The following CLSTN2 variants were observed in gnomAD, a reference collection of about 807,000 sequenced individuals.
CLSTN2 encodes calsyntenin 2, also known as calsyntenin-2.
CLSTN2 carries 48 observed loss-of-function variants against 101.2 expected under a neutral mutation model. The observed-to-expected ratio is 0.47, with a 90% confidence interval of 0.38 to 0.60. The LOEUF (loss-of-function observed/expected upper bound fraction) is 0.60. Among genes scored for constraint, CLSTN2 ranks in the 20% least tolerant of loss-of-function variants. The probability of loss-of-function intolerance (pLI) is 0.00; values close to 1 mark genes in which losing one functional copy is unlikely to be tolerated. For missense variants in CLSTN2, 1,160 were observed against 1,238.2 expected, an observed-to-expected ratio of 0.94 and a Z score of 0.95; for synonymous variants, 481 against 463.6, an observed-to-expected ratio of 1.04 and a Z score of -0.48.
At chr3:140,167,660 G>T (rs1161995692) in intron 1 of CLSTN2, among the ~76,000 whole-genome samples, 1 of 152,182 alleles carries the variant, frequency 6.6e-6, no homozygotes, top group Non-Finnish European at 1.5e-5. Context: ...GATACAGAAT[G>T]GTTTCATCGT....
At chr3:140,268,477 T>A (rs2086714653) in intron 2 of CLSTN2, among the ~76,000 whole-genome samples, 1 of 152,178 alleles carries the variant, frequency 6.6e-6, no homozygotes. Context: ...CTATAATAGA[T>A]CTGATGTGCA....
intron 2 of CLSTN2, among the ~76,000 whole-genome samples, chr3:140,316,160 G>A (rs1046448871): frequency 1.3e-5 from 2 of 152,136 alleles, no homozygotes; most frequent in African/African-American, 4.8e-5. Context: ...CAGCCCAGCT[G>A]GGGATAGATA....
intron 8 of CLSTN2, among the ~76,000 whole-genome samples, chr3:140,520,492 GACTC>G (rs757730388): frequency 1.3e-5 from 2 of 152,142 alleles, no homozygotes; most frequent in Non-Finnish European, 2.9e-5. Flanking sequence ...GATCTCATGA[GACTC>G]ACTCACTATC....
intron 1 of CLSTN2, among the ~76,000 whole-genome samples, chr3:140,152,942 T>C (rs1158519348): frequency 6.6e-6 from 1 of 152,242 alleles, no homozygotes; most frequent in African/African-American, 2.4e-5. Context: ...TTTTCTTACA[T>C]GCACTAAATT....
At position 140,466,641 on chromosome 3, in the gene CLSTN2, G is replaced by A. The variant is rs910954017; in HGVS notation, c.1254G>A (p.Val418=). 32 of 1,614,038 alleles carry A rather than the reference G, an allele frequency of 2.0e-5. No individual in the cohort carries two copies. The highest frequency in any genetic ancestry group is 2.7e-5 in the African/African-American group (2 of 74,930). The change falls in exon 8 of 17, where the codon GTG becomes GTA. Residue 418 remains valine, a synonymous_variant. Coordinates refer to ENST00000458420, the MANE Select transcript of CLSTN2 (RefSeq NM_022131.3). ...ACCGGCATCACTATGCCCTGTATGT[G>A]CACAACTGCCGCCTCGTCTTTCTCT... ...EMNRHHYALY[V]HNCRLVFLLR...
intron 2 of CLSTN2, among the ~76,000 whole-genome samples, chr3:140,219,414 G>A (rs572236292): frequency 1.4e-4 from 21 of 152,214 alleles, no homozygotes; most frequent in African/African-American, 4.8e-4. Flanking sequence ...CAGATTTCCC[G>A]CAGGTAACCT....
chr3:140,289,737 T>C (rs904500705), intron 2 of CLSTN2, among the ~76,000 whole-genome samples: 1 of 152,120 alleles, frequency 6.6e-6, no homozygotes, highest in African/African-American at 2.4e-5. Flanking sequence ...CAGAGTTCAG[T>C]AATTGCTGCC....
chr3:140,436,168 T>G (rs2088685660), intron 5 of CLSTN2, among the ~76,000 whole-genome samples: 1 of 152,226 alleles, frequency 6.6e-6, no homozygotes, highest in South Asian at 2.1e-4. Flanking sequence ...CTAATCAGTG[T>G]CCTAGAGATT....
At chr3:140,412,691 A>T (rs967957290) in intron 4 of CLSTN2, among the ~76,000 whole-genome samples, 2 of 152,188 alleles carry the variant, frequency 1.3e-5, no homozygotes, top group African/African-American at 4.8e-5. Context: ...ATCATATAAA[A>T]TTTTTTTCTC....
At chr3:140,334,770 T>C (rs1176191612) in intron 2 of CLSTN2, among the ~76,000 whole-genome samples, 2 of 152,154 alleles carry the variant, frequency 1.3e-5, no homozygotes, top group Non-Finnish European at 2.9e-5. Context: ...AGATGAGCCT[T>C]GGAGTTTGAG....
rs1332990735 is a variant in CLSTN2 at position 140,568,588 on chromosome 3, AG to A, written c.*2337del. Reference sequence around the variant, plus strand: ...AAAAAAGATCTTTAGTTGGGCATTTAGGAGCAACTGAATTCTCCCAAAATTG... The same window carrying A: ...AAAAAAGATCTTTAGTTGGGCATTTAGAGCAACTGAATTCTCCCAAAATTG... On this transcript the variant is annotated 3_prime_UTR_variant, in exon 17 of 17. Transcript: ENST00000458420. 2 of 152,250 alleles carry A rather than the reference AG, an allele frequency of 1.3e-5. No homozygotes were observed. Among genetic ancestry groups the A allele is most frequent in the Non-Finnish European group, 2.9e-5 (2 of 68,054 alleles). 9.4% of individuals were successfully genotyped at this position (152,250 alleles called of 1,614,324 possible).
intron 9 of CLSTN2, among the ~76,000 whole-genome samples, chr3:140,543,675 G>A (rs190532167): frequency 5.2e-4 from 79 of 152,338 alleles, no homozygotes; most frequent in Middle Eastern, 3.4e-3. Flanking sequence ...CAGTCTGCTG[G>A]CAAGATAGCT....
intron 5 of CLSTN2, among the ~76,000 whole-genome samples, chr3:140,440,644 CAT>C (rs1012823848): frequency 3.3e-5 from 5 of 152,116 alleles, no homozygotes; most frequent in African/African-American, 1.2e-4. Context: ...CATGACTAAA[CAT>C]AGAGGAAAAA....
At chr3:140,193,288 T>A (rs1559803079) in intron 2 of CLSTN2, among the ~76,000 whole-genome samples, 2 of 149,488 alleles carry the variant, frequency 1.3e-5, no homozygotes, top group African/African-American at 4.9e-5. Flanking sequence ...TTTTTTGGTT[T>A]TGAACACTTC....
intron 1 of CLSTN2, among the ~76,000 whole-genome samples, chr3:140,028,133 A>G (rs2007459633): frequency 1.3e-5 from 2 of 152,332 alleles, no homozygotes; most frequent in East Asian, 1.9e-4. Flanking sequence ...GCTGTCAACT[A>G]GGATGATGAT....
intron 1 of CLSTN2, among the ~76,000 whole-genome samples, chr3:140,042,811 A>T (rs1269341674): frequency 6.6e-6 from 1 of 152,136 alleles, no homozygotes; most frequent in Non-Finnish European, 1.5e-5. Context: ...GCTGAGAATG[A>T]TGGTTTGCAG....
intron 2 of CLSTN2, among the ~76,000 whole-genome samples, chr3:140,301,628 A>C (rs927630615): frequency 2.0e-5 from 3 of 152,376 alleles, no homozygotes; most frequent in Middle Eastern, 6.8e-3. Flanking sequence ...CTTGCCCCAA[A>C]AGGGTCACAG....
chr3:140,205,636 C>T lies in CLSTN2; in HGVS notation c.232+29563C>T, dbSNP rs889973931. Among the ~76,000 whole-genome samples the T allele has an allele frequency of 6.9e-5, 9 of 130,324 alleles. No homozygotes were observed. The East Asian group carries it at 1.7e-3, about 24-fold the overall frequency. 85.5% of individuals were successfully genotyped at this position (130,324 alleles called of 152,430 possible). On this transcript the variant is annotated intron_variant, in intron 2 of 16. Coordinates refer to ENST00000458420, the MANE Select transcript of CLSTN2 (RefSeq NM_022131.3). ...CTGACCCGCCCCCCACCCACACACA[C>T]ACACAGCCACCTGCTATGCATGTTC...
At chr3:139,955,126 A>ATATATATATATATATATG (rs1576375403) in intron 1 of CLSTN2, among the ~76,000 whole-genome samples, 1 of 140,102 alleles carries the variant, frequency 7.1e-6, no homozygotes, top group East Asian at 2.1e-4. Context: ...ATATATATAT[A>ATATATATATATATATATG]TATATATATA....
Sources: gnomAD v4.1 joint callset for allele counts (sites outside exome capture counted in the v4.1 genomes callset) on GRCh38, gnomAD v4.1.1 for gene constraint, MANE v1.5 for transcripts, NCBI Gene and HGNC (gene_info 2026-07-23, HGNC 2026-07-21) for gene names.